The following GSG1L variants were observed in gnomAD, a reference collection of about 807,000 sequenced individuals.
The protein encoded by GSG1L is GSG1 like.
GSG1L carries 24 observed loss-of-function variants against 42.1 expected under a neutral mutation model. The observed-to-expected ratio is 0.57, with a 90% CI of 0.41 to 0.80. The LOEUF (loss-of-function observed/expected upper bound fraction) is 0.80, where lower values mean the gene tolerates loss of function less well. GSG1L is among the 30% of genes least tolerant of loss of function. The pLI, the probability that GSG1L is intolerant of heterozygous loss-of-function variation, is 0.00. For synonymous variants in GSG1L, 215 were observed against 203.5 expected (o/e 1.06, Z -0.48); for missense variants, 445 against 472.2 (o/e 0.94, Z 0.53).
intron 1 of GSG1L, among the ~76,000 whole-genome samples, chr16:28,011,548 G>T (rs1454579505): frequency 2.0e-5 from 3 of 152,226 alleles, no homozygotes; most frequent in Non-Finnish European, 2.9e-5. Context: ...AGTCCTGCTA[G>T]ATCCTTCCTG....
intron 3 of GSG1L, among the ~76,000 whole-genome samples, chr16:27,867,346 T>C (rs1186361676): frequency 6.6e-6 from 1 of 152,212 alleles, no homozygotes; most frequent in African/African-American, 2.4e-5. Flanking sequence ...AGCCTCCTTC[T>C]CCTCATCTCT....
chr16:27,853,064 C>G (rs1567487510), intron 3 of GSG1L, among the ~76,000 whole-genome samples: 1 of 152,174 alleles, frequency 6.6e-6, no homozygotes, highest in African/African-American at 2.4e-5. Flanking sequence ...ATATCAGCCC[C>G]AGAACAGCCT....
intron 4 of GSG1L, among the ~76,000 whole-genome samples, chr16:27,836,076 T>C (rs2140973552): frequency 6.6e-6 from 1 of 152,254 alleles, no homozygotes; most frequent in African/African-American, 2.4e-5. Flanking sequence ...TGTCGTGATT[T>C]CCCCTTCATT....
chr16:28,055,553 C>A (rs1006919497), intron 1 of GSG1L, among the ~76,000 whole-genome samples: 10 of 152,016 alleles, frequency 6.6e-5, no homozygotes, highest in Non-Finnish European at 1.2e-4. Flanking sequence ...CTCACTGCAA[C>A]CTCTGCCTTC....
Position 28,063,642 on chromosome 16 carries a change from C to T in GSG1L, c.-218G>A. The T allele has an allele frequency of 6.7e-6, 1 of 149,932 alleles. No homozygotes were observed. The highest frequency in any genetic ancestry group is 1.5e-5 in the Non-Finnish European group (1 of 68,164). 9.3% of individuals were successfully genotyped at this position (149,932 alleles called of 1,614,324 possible). On this transcript the variant is annotated 5_prime_UTR_variant, in exon 1 of 7. Transcript: ENST00000447459. The surrounding 1 kb of genome is among the most constrained non-coding windows in gnomAD (Gnocchi z 5.8). ...CGGGGCGGGCTGGCGGGGCGGGCGG[C>T]GGTGGAGGAGCGGCTACGGCGCGCC...
At chr16:27,976,843 G>A (rs543459613) in intron 1 of GSG1L, among the ~76,000 whole-genome samples, 4 of 152,044 alleles carry the variant, frequency 2.6e-5, no homozygotes, top group African/African-American at 4.8e-5. Flanking sequence ...CCACTCTCCC[G>A]TCATGAAGCC....
intron 2 of GSG1L, among the ~76,000 whole-genome samples, chr16:27,932,763 A>G (rs745872667): frequency 4.9e-4 from 74 of 152,236 alleles, no homozygotes; most frequent in Admixed American, 1.3e-3. Flanking sequence ...GGCAGAGGTG[A>G]CCATGTGCCA....
intron 3 of GSG1L, among the ~76,000 whole-genome samples, chr16:27,848,752 T>A (rs530971680): frequency 6.6e-6 from 1 of 151,620 alleles, no homozygotes; most frequent in South Asian, 2.1e-4. Flanking sequence ...GGAGAGCATC[T>A]CAGAGGAAGT....
intron 1 of GSG1L, among the ~76,000 whole-genome samples, chr16:28,030,889 A>AGGAT (rs2085953997): frequency 9.6e-6 from 1 of 104,026 alleles, no homozygotes; most frequent in Non-Finnish European, 1.9e-5. Context: ...GGGTTGGGAT[A>AGGAT]GGATGGGTTG....
chr16:27,821,362 G>T (rs2083148877), intron 5 of GSG1L, among the ~76,000 whole-genome samples: 1 of 151,900 alleles, frequency 6.6e-6, no homozygotes, highest in South Asian at 2.1e-4. Flanking sequence ...GCTGAGGTTG[G>T]GCTTCAGTTG....
intron 6 of GSG1L, among the ~76,000 whole-genome samples, chr16:27,802,295 T>C (rs1267384725): frequency 6.6e-6 from 1 of 152,174 alleles, no homozygotes; most frequent in Admixed American, 6.5e-5. Context: ...TAAAGCAGCC[T>C]GCTTCAGGAT....
At chr16:27,845,770 G>C (rs530014957) in intron 3 of GSG1L, among the ~76,000 whole-genome samples, 23 of 152,164 alleles carry the variant, frequency 1.5e-4, no homozygotes, top group Admixed American at 1.4e-3. Flanking sequence ...CTGCTTCTTT[G>C]AATGTCTGTA....
chr16:27,946,604 AGAGAGAGAGAGAGAGAG>A (rs1567529838), intron 2 of GSG1L, among the ~76,000 whole-genome samples: 417 of 6,458 alleles, frequency 0.065, 10 homozygotes, highest in African/African-American at 0.19. Context: ...AGAGAGAGAG[AGAGAGAGAGAGAGAGAG>A]AGAGAGAGAG....
At chr16:27,994,114 C>T (rs913566397) in intron 1 of GSG1L, among the ~76,000 whole-genome samples, 3 of 152,080 alleles carry the variant, frequency 2.0e-5, no homozygotes, top group East Asian at 1.9e-4. Context: ...TTTTCTTAGT[C>T]GTGAGACAAA....
Position 27,884,555 on chromosome 16 carries a change from A to T in GSG1L, c.481T>A (p.Phe161Ile). 1 of 1,613,804 alleles carries T rather than the reference A, an allele frequency of 6.2e-7. No individual in the cohort carries two copies. The highest frequency in any genetic ancestry group is 1.3e-5 in the African/African-American group (1 of 75,040). The change falls in exon 3 of 7, where the codon TTC (phenylalanine) becomes ATC (isoleucine). Residue 161 changes from phenylalanine (F) to isoleucine (I), a missense_variant. Phe to Ile is a conservative substitution (Grantham distance 21). This residue lies in a region of GSG1L where 149 missense variants were observed against 223.3 expected (regional missense o/e 0.67). Coordinates refer to ENST00000447459, the MANE Select transcript of GSG1L (RefSeq NM_001109763.2). This position sits in a 1 kb window ranked among gnomAD's most constrained non-coding sequence, Gnocchi z 4.4. ...VGFSLMCLEL[F>I]HSSNVIDGLK... ...CCGTCGATGACATTGCTGGAGTGGA[A>T]GAGCTCGAGACACATGAGGCTGAAG...
At chr16:27,891,710 C>G (rs550623668) in intron 2 of GSG1L, among the ~76,000 whole-genome samples, 73 of 151,966 alleles carry the variant, frequency 4.8e-4, no homozygotes, top group African/African-American at 1.7e-3. Context: ...TGGGCTCAAG[C>G]GATCCTCCTG....
chr16:28,061,423 T>G (rs369084189), intron 1 of GSG1L, among the ~76,000 whole-genome samples: 3 of 152,132 alleles, frequency 2.0e-5, no homozygotes, highest in African/African-American at 4.8e-5. Flanking sequence ...ACACCATGTA[T>G]CTCTGACAAA....
chr16:28,046,277 T>C (rs1165990570), intron 1 of GSG1L, among the ~76,000 whole-genome samples: 1 of 151,102 alleles, frequency 6.6e-6, no homozygotes, highest in Non-Finnish European at 1.5e-5. Flanking sequence ...CCGCAGGCCG[T>C]TAGCTATTGC....
At chr16:27,888,503 CTT>C (rs2084075147) in intron 2 of GSG1L, among the ~76,000 whole-genome samples, 12 of 8,116 alleles carry the variant, frequency 1.5e-3, no homozygotes, top group Non-Finnish European at 2.3e-3. Flanking sequence ...TTCTTTCTTT[CTT>C]TCTTTCTTTC....
Sources: allele counts gnomAD v4.1 joint callset (sites outside exome capture counted in the v4.1 genomes callset), GRCh38; gene constraint gnomAD v4.1.1; regional missense constraint gnomAD v4.1.1; non-coding constraint Gnocchi (gnomAD v3.1); transcripts MANE v1.5; gene names NCBI Gene and HGNC (gene_info 2026-07-23, HGNC 2026-07-21).